BTBD9: variants seen among roughly 807,000 people sequenced by gnomAD.
The protein encoded by BTBD9 is BTB/POZ domain-containing protein 9.
A neutral mutation model predicts 64.3 loss-of-function variants in BTBD9; 49 were observed. The observed-to-expected ratio is 0.76, with a 90% CI of 0.61 to 0.97. The LOEUF (loss-of-function observed/expected upper bound fraction) is 0.97, where lower values mean the gene tolerates loss of function less well. BTBD9 is among the 50% of genes least tolerant of loss of function. The probability of loss-of-function intolerance (pLI) is 0.00; values close to 1 mark genes in which losing one functional copy is unlikely to be tolerated. For synonymous variants in BTBD9, 260 were observed against 274.7 expected (o/e 0.95, Z 0.53); for missense variants, 598 against 762.1 (o/e 0.78, Z 2.53).
Position 38,364,266 on chromosome 6 carries a change from C to T in BTBD9, c.1155-19173G>A, listed in dbSNP as rs1010678158. The stretch of plus-strand genomic sequence containing the variant: ...CTGACTCTACACACAGGAACTCCCT[C>T]GTAAAAATATTAAGAAAAGCGCTGT... On this transcript the variant is annotated intron_variant, in intron 6 of 10. Coordinates refer to ENST00000481247, the MANE Select transcript of BTBD9 (RefSeq NM_001099272.2). Among the ~76,000 whole-genome samples the T allele has an allele frequency of 4.6e-5, 7 of 152,036 alleles. No individual in the cohort carries two copies. In the South Asian group the frequency reaches 6.2e-4, roughly 14 times the overall value.
chr6:38,248,184 T>A (rs969422173), intron 9 of BTBD9, among the ~76,000 whole-genome samples: 2 of 152,160 alleles, frequency 1.3e-5, no homozygotes, highest in African/African-American at 4.8e-5. Context: ...AAAAAAACTC[T>A]TTGCAGCATC....
At position 38,522,379 on chromosome 6, in the gene BTBD9, A is replaced by G. The variant is rs139686164; in HGVS notation, c.1154+55221T>C. Among the ~76,000 whole-genome samples, 9 of 99,602 alleles carry G rather than the reference A, an allele frequency of 9.0e-5. No individual in the cohort carries two copies. The East Asian group carries it at 3.0e-3, about 33-fold the overall frequency. 65.3% of individuals were successfully genotyped at this position (99,602 alleles called of 152,430 possible). A position where few individuals can be genotyped will look rare whatever the true frequency, so the allele number is the denominator to read the frequency against. On this transcript the variant is annotated intron_variant, in intron 6 of 10. Coordinates refer to ENST00000481247, the MANE Select transcript of BTBD9 (RefSeq NM_001099272.2). ...AAATTAAAGTCCCTATACTCTACTGAAACTTCACTTAATAAGATTACTAAT... is the reference window on the plus strand; with the variant it reads ...AAATTAAAGTCCCTATACTCTACTGGAACTTCACTTAATAAGATTACTAAT...
chr6:38,421,900 T>C (rs1767919424), intron 6 of BTBD9, among the ~76,000 whole-genome samples: 1 of 152,212 alleles, frequency 6.6e-6, no homozygotes, highest in African/African-American at 2.4e-5. Context: ...AATATGCATG[T>C]TTGTGACTGA....
chr6:38,267,059 T>G (rs891439305), intron 8 of BTBD9, among the ~76,000 whole-genome samples: 1 of 152,232 alleles, frequency 6.6e-6, no homozygotes, highest in Non-Finnish European at 1.5e-5. Flanking sequence ...ATCAGCCTGA[T>G]TTGGTTCACC....
rs1483395050 is a variant in BTBD9 at position 38,339,583 on chromosome 6, T to C, written c.1264+5401A>G. 3.3e-5 allele frequency among the ~76,000 whole-genome samples: 5 copies of C among 152,032 alleles called. No individual in the cohort carries two copies. The South Asian group carries it at 8.3e-4, about 25-fold the overall frequency. ...TTAAAGACGTTGGGAGGATACAAAA[T>C]ATAAATTCAGAAATAAATATATTTT... On this transcript the variant is annotated intron_variant, in intron 7 of 10. Transcript: ENST00000481247.
intron 6 of BTBD9, among the ~76,000 whole-genome samples, chr6:38,555,690 C>A (rs1182286819): frequency 6.6e-6 from 1 of 152,166 alleles, no homozygotes; most frequent in Admixed American, 6.5e-5. Flanking sequence ...TTGTCAGATT[C>A]TTCTTTTGAA....
At chr6:38,315,019 T>C (rs1323902430) in intron 7 of BTBD9, among the ~76,000 whole-genome samples, 1 of 152,074 alleles carries the variant, frequency 6.6e-6, no homozygotes, top group Non-Finnish European at 1.5e-5. Context: ...TGGCTAATTT[T>C]TTGTATTTTT....
At chr6:38,192,842 CTT>C (rs1328939122) in intron 9 of BTBD9, among the ~76,000 whole-genome samples, 3 of 145,694 alleles carry the variant, frequency 2.1e-5, no homozygotes, top group Non-Finnish European at 4.5e-5. Context: ...GTGAATGTCA[CTT>C]AGGCTTCTTA....
chr6:38,209,779 G>C (rs954662116), intron 9 of BTBD9, among the ~76,000 whole-genome samples: 7 of 152,196 alleles, frequency 4.6e-5, no homozygotes, highest in African/African-American at 1.7e-4. Flanking sequence ...CTCCCTGCCT[G>C]ACTTCCTTCC....
chr6:38,267,926 C>A (rs973797286), intron 8 of BTBD9, among the ~76,000 whole-genome samples: 2 of 152,036 alleles, frequency 1.3e-5, no homozygotes, highest in African/African-American at 4.8e-5. Flanking sequence ...GGTGACAGAG[C>A]GAGACTCCGT....
intron 9 of BTBD9, among the ~76,000 whole-genome samples, chr6:38,249,591 T>C (rs1411284341): frequency 6.6e-6 from 1 of 152,010 alleles, no homozygotes; most frequent in East Asian, 1.9e-4. Flanking sequence ...AAACAAGCCA[T>C]AATTGGCTTC....
intron 7 of BTBD9, among the ~76,000 whole-genome samples, chr6:38,329,240 ATGC>A (rs1286916342): frequency 6.6e-6 from 1 of 151,938 alleles, no homozygotes; most frequent in Non-Finnish European, 1.5e-5. Flanking sequence ...TGTAGAAGAA[ATGC>A]TGTTCCTGAA....
intron 6 of BTBD9, among the ~76,000 whole-genome samples, chr6:38,421,149 C>G (rs1288521838): frequency 6.6e-6 from 1 of 151,700 alleles, no homozygotes; most frequent in Non-Finnish European, 1.5e-5. Flanking sequence ...GGTCAGGGGT[C>G]CAAGACCAGC....
chr6:38,380,660 TC>T (rs1280403979), intron 6 of BTBD9, among the ~76,000 whole-genome samples: 12 of 152,208 alleles, frequency 7.9e-5, no homozygotes, highest in African/African-American at 2.9e-4. Context: ...CAAGACCCTG[TC>T]TCTAAAAAGG....
At chr6:38,221,209 T>C (rs1196801716) in intron 9 of BTBD9, among the ~76,000 whole-genome samples, 2 of 152,204 alleles carry the variant, frequency 1.3e-5, no homozygotes, top group Non-Finnish European at 2.9e-5. Context: ...TATCATTTCA[T>C]GGCCTACCAG....
At chr6:38,599,780 G>A (rs1028203456) in intron 1 of BTBD9, among the ~76,000 whole-genome samples, 4 of 152,316 alleles carry the variant, frequency 2.6e-5, no homozygotes, top group Admixed American at 2.6e-4. Flanking sequence ...ACCAAGTTCC[G>A]AATCTGCCTG....
intron 6 of BTBD9, among the ~76,000 whole-genome samples, chr6:38,370,066 A>G (rs1481225139): frequency 1.3e-5 from 2 of 152,178 alleles, no homozygotes. Flanking sequence ...CCTTGGTTCC[A>G]CCAACAATCT....
chr6:38,475,371 TC>T (rs747386072), intron 6 of BTBD9, among the ~76,000 whole-genome samples: 5,876 of 152,278 alleles, frequency 0.039, 211 homozygotes, highest in East Asian at 0.13. Flanking sequence ...CATTGCTGTC[TC>T]CATCTTTGTT....
chr6:38,244,595 A>G lies in BTBD9; in HGVS notation c.1562+11814T>C, dbSNP rs772407327. ...ACTGAAAGGGGCACAGCTGGAAAAGAGTTTTAAAAGCACTTGGCCCCTCCA... is the reference window on the plus strand; with the variant it reads ...ACTGAAAGGGGCACAGCTGGAAAAGGGTTTTAAAAGCACTTGGCCCCTCCA... On this transcript the variant is annotated intron_variant, in intron 9 of 10. Transcript: ENST00000481247. Among the ~76,000 whole-genome samples, 17 of 152,180 alleles carry G rather than the reference A, an allele frequency of 1.1e-4. No homozygotes were observed. The South Asian group carries it at 1.2e-3, about 11-fold the overall frequency.
Sources: gnomAD v4.1 joint callset for allele counts (sites outside exome capture counted in the v4.1 genomes callset) on GRCh38, gnomAD v4.1.1 for gene constraint, MANE v1.5 for transcripts, NCBI Gene and HGNC (gene_info 2026-07-23, HGNC 2026-07-21) for gene names.